Variants in PTGES2 observed in about 807,000 individuals in gnomAD.
PTGES2 encodes the protein GATE-binding factor 1.
Under a neutral mutation model 44.5 loss-of-function variants are expected in PTGES2, and 35 were observed. The observed-to-expected ratio is 0.79, with a 90% CI of 0.60 to 1.04. PTGES2 has a LOEUF of 1.04. PTGES2 is among the 50% of genes least tolerant of loss of function. PTGES2 has a pLI of 0.00. For synonymous variants in PTGES2, 221 were observed against 227.5 expected (o/e 0.97, Z 0.26); for missense variants, 517 against 521.4 (o/e 0.99, Z 0.08).
chr9:128,125,512 T>C (rs1834586822), intron 1 of PTGES2, 71 bp from the exon 2 acceptor site: 2 of 1,420,412 alleles, frequency 1.4e-6, no homozygotes, highest in South Asian at 1.2e-5. Context: ...CCAAGGGTGT[T>C]TTCCAGAGGA....
intron 3 of PTGES2, 47 bp downstream of exon 3, chr9:128,124,445 G>A (rs745712609): frequency 1.1e-5 from 18 of 1,581,980 alleles, no homozygotes; most frequent in Non-Finnish European, 1.5e-5. Context: ...CTCCCTGGAG[G>A]AAGCCACCAA....
At chr9:128,125,094 C>T in intron 2 of PTGES2, 150 bp downstream of exon 2, 4 of 781,004 alleles carry the variant, frequency 5.1e-6, no homozygotes, top group East Asian at 2.7e-5. Context: ...ATTTATTGAG[C>T]ATCTACCGTA....
intron 6 of PTGES2, 133 bp from the exon 7 acceptor site, chr9:128,121,406 A>G: frequency 9.0e-7 from 1 of 1,107,738 alleles, no homozygotes; most frequent in Non-Finnish European, 1.3e-6. Flanking sequence ...AAGGGCCAAC[A>G]GCACAGGTGA....
chr9:128,122,146 C>T (rs1489449146), intron 6 of PTGES2, among the ~76,000 whole-genome samples: 1 of 152,178 alleles, frequency 6.6e-6, no homozygotes, highest in African/African-American at 2.4e-5. Context: ...GAAGCCAACC[C>T]GTTCCCTGAA....
At chr9:128,121,953 G>C (rs1215501016) in intron 6 of PTGES2, among the ~76,000 whole-genome samples, 2 of 151,840 alleles carry the variant, frequency 1.3e-5, no homozygotes, top group East Asian at 3.9e-4. Flanking sequence ...AAAAACAAAA[G>C]GAAAAAGGGC....
chr9:128,121,367 C>A, intron 6 of PTGES2, 94 bp from the exon 7 acceptor site: 2 of 1,474,080 alleles, frequency 1.4e-6, no homozygotes, highest in Non-Finnish European at 1.8e-6. Flanking sequence ...GGTCCCGTCC[C>A]CTCCCCCCTT....
Position 128,123,958 on chromosome 9 carries a change from T to C in PTGES2, c.537-107A>G, listed in dbSNP as rs547007101. 21 of 1,268,782 alleles carry C rather than the reference T, an allele frequency of 1.7e-5. No homozygotes were observed. The Admixed American group carries it at 4.1e-4, about 25-fold the overall frequency. The allele number at this position is 1,268,782 out of a possible 1,614,324, so 78.6% of individuals were successfully genotyped here. On this transcript the variant is annotated intron_variant, in intron 3 of 6. Transcript: ENST00000338961. The surrounding 1 kb of genome is among the most constrained non-coding windows in gnomAD (Gnocchi z 4.4). ...GAGTGGAGCCAGGACCAACAAAGGC[T>C]CTCCGGACTCTTGCAGTAAGAGGGA...
Position 128,123,208 on chromosome 9 carries a change from A to T in PTGES2, c.687-74T>A. The T allele has an allele frequency of 1.4e-6, 2 of 1,400,404 alleles. No individual in the cohort carries two copies. Among genetic ancestry groups the T allele is most frequent in the Non-Finnish European group, 2.0e-6 (2 of 1,017,254 alleles). 86.7% of individuals were successfully genotyped at this position (1,400,404 alleles called of 1,614,324 possible). A position where few individuals can be genotyped will look rare whatever the true frequency, so the allele number is the denominator to read the frequency against. ...GAGCAGGCTGCATTCTCTAGAACAT[A>T]CCCACTGCACGGGCGGGAAGCTGAA... On this transcript the variant is annotated intron_variant, in intron 4 of 6. Coordinates refer to ENST00000338961, the MANE Select transcript of PTGES2 (RefSeq NM_025072.7). This position sits in a 1 kb window ranked among gnomAD's most constrained non-coding sequence, Gnocchi z 4.4.
At chr9:128,121,334 G>C in intron 6 of PTGES2, 61 bp from the exon 7 acceptor site, 1 of 1,561,620 alleles carries the variant, frequency 6.4e-7, no homozygotes, top group East Asian at 2.3e-5. Flanking sequence ...GACCTCCTTC[G>C]TTCCCTGCCA....
intron 1 of PTGES2, 107 bp from the exon 2 acceptor site, chr9:128,125,548 C>T (rs1401530099): frequency 6.8e-6 from 7 of 1,026,566 alleles, no homozygotes; most frequent in Admixed American, 6.6e-5. Flanking sequence ...GCTAGAACAT[C>T]GGGAAGAGGA....
At chr9:128,124,660 T>C in intron 2 of PTGES2, 110 bp from the exon 3 acceptor site, 2 of 1,320,160 alleles carry the variant, frequency 1.5e-6, no homozygotes, top group South Asian at 2.6e-5. Context: ...CCTGGGGACA[T>C]GCCCGGAGTC....
chr9:128,126,705 C>T (rs1477316524), intron 1 of PTGES2, among the ~76,000 whole-genome samples: 1 of 151,222 alleles, frequency 6.6e-6, no homozygotes, highest in Non-Finnish European at 1.5e-5. Flanking sequence ...AGTAAAAATA[C>T]AAAAATTAGC....
In PTGES2 at chr9:128,123,741, T is replaced by G; in HGVS notation, c.647A>C (p.Lys216Thr). ...CCCACCATACACTTGCTGGGCCTCC[T>G]TCTCGTTGAGCATGAGCCAGTACTT... ...GNKYWLMLNE[K>T]EAQQVYGGKE... The change falls in exon 4 of 7, where the codon AAG (lysine) becomes ACG (threonine). Residue 216 changes from lysine to threonine, a missense_variant. Lys to Thr is a moderately conservative substitution (Grantham distance 78). Transcript: ENST00000338961. This position sits in a 1 kb window ranked among gnomAD's most constrained non-coding sequence, Gnocchi z 4.4. The G allele has an allele frequency of 6.2e-7, 1 of 1,610,914 alleles. No individual in the cohort carries two copies. The highest frequency in any genetic ancestry group is 8.5e-7 in the Non-Finnish European group (1 of 1,178,582).
upstream of PTGES2, chr9:128,128,000 C>CAGGGGGGCGAACG: frequency 2.3e-6 from 1 of 433,842 alleles, no homozygotes; most frequent in Non-Finnish European, 4.1e-6. Context: ...GGGCGAACGT[C>CAGGGGGGCGAACG]TCCTCGCCCC....
At chr9:128,122,809 T>A (rs892633359) in intron 5 of PTGES2, 125 bp downstream of exon 5, 6 of 965,940 alleles carry the variant, frequency 6.2e-6, no homozygotes, top group African/African-American at 1.6e-5. Context: ...TAATCCATAA[T>A]GCGTTTCCCA....
In PTGES2 at chr9:128,122,979, A is replaced by G; in HGVS notation, c.842T>C (p.Met281Thr). The G allele has an allele frequency of 3.7e-6, 6 of 1,613,836 alleles. No homozygotes were observed. The highest frequency in any genetic ancestry group is 5.1e-6 in the Non-Finnish European group (6 of 1,179,994). The stretch of plus-strand genomic sequence containing the variant: ...GATGAGGTACATGGCCGCTGCACCC[A>G]TGTACTTGGCCACGGCACCCTCCAC... ...GAVEGAVAKY[M>T]GAAAMYLISK... Residue 281 changes from methionine to threonine, a missense_variant, in exon 5 of 7, where the codon ATG becomes ACG. Coordinates refer to ENST00000338961, the MANE Select transcript of PTGES2 (RefSeq NM_025072.7).
chr9:128,124,725 C>T, intron 2 of PTGES2, 175 bp from the exon 3 acceptor site: 1 of 1,337,810 alleles, frequency 7.5e-7, no homozygotes, highest in Non-Finnish European at 9.8e-7. Context: ...TGGTTGTGGC[C>T]AATGGGGAGG....
In PTGES2 at chr9:128,127,614, C is replaced by G; in HGVS notation, c.104G>C (p.Arg35Pro). ...RPQPLLPTQSRAGFAGAAGGP... is the reference protein window; with the variant it reads ...RPQPLLPTQSPAGFAGAAGGP... ...GCCCGCCGCCCCCGCGAAGCCAGCCCGGCTCTGCGTGGGTAGCAGCGGCTG... is the reference window on the plus strand; with the variant it reads ...GCCCGCCGCCCCCGCGAAGCCAGCCGGGCTCTGCGTGGGTAGCAGCGGCTG... The change falls in exon 1 of 7, where the codon CGG (arginine) becomes CCG (proline). Residue 35 changes from arginine (R) to proline (P), a missense_variant. Arg to Pro is a moderately radical substitution (Grantham distance 103). Transcript: ENST00000338961. 1 of 1,268,566 alleles carries G rather than the reference C, an allele frequency of 7.9e-7. No individual in the cohort carries two copies. 78.6% of individuals were successfully genotyped at this position (1,268,566 alleles called of 1,614,324 possible).
At chr9:128,124,714 G>C in intron 2 of PTGES2, 164 bp from the exon 3 acceptor site, 3 of 1,315,012 alleles carry the variant, frequency 2.3e-6, no homozygotes. Context: ...GTAGGGAGAC[G>C]TGGTTGTGGC....
Sources: gnomAD v4.1 joint callset for allele counts (sites outside exome capture counted in the v4.1 genomes callset) on GRCh38, gnomAD v4.1.1 for gene constraint, Gnocchi (gnomAD v3.1) non-coding constraint, MANE v1.5 for transcripts, NCBI Gene and HGNC (gene_info 2026-07-23, HGNC 2026-07-21) for gene names.